The following DNAH3 variants were observed in gnomAD, a reference collection of about 807,000 sequenced individuals.
The protein encoded by DNAH3 is axonemal beta dynein heavy chain 3.
In DNAH3, 332 loss-of-function variants were observed where a neutral mutation model predicts 432.5. The ratio of observed to expected loss-of-function variants is 0.77; its 90% confidence interval spans 0.70 to 0.84. The LOEUF (loss-of-function observed/expected upper bound fraction) is 0.84, where lower values mean the gene tolerates loss of function less well. Among genes scored for constraint, DNAH3 ranks in the 40% least tolerant of loss-of-function variants. The probability of loss-of-function intolerance (pLI) is 0.00; values close to 1 mark genes in which losing one functional copy is unlikely to be tolerated. For synonymous variants in DNAH3, 1,956 were observed against 1,900.2 expected (o/e 1.03, Z -0.76); for missense variants, 4,861 against 5,114.0 (o/e 0.95, Z 1.51).
At chr16:20,942,947 C>T (rs1372884867) in intron 58 of DNAH3, among the ~76,000 whole-genome samples, 2 of 152,160 alleles carry the variant, frequency 1.3e-5, no homozygotes, top group Admixed American at 6.5e-5. Context: ...CTCACTCTGT[C>T]GTCCAGGTGG....
chr16:20,939,683 C>G (rs913329695), intron 59 of DNAH3, among the ~76,000 whole-genome samples: 6 of 151,908 alleles, frequency 3.9e-5, no homozygotes, highest in Admixed American at 3.9e-4. Context: ...CTCCTCCAGT[C>G]CCCTGGTCCT....
intron 1 of DNAH3, among the ~76,000 whole-genome samples, chr16:21,147,947 C>T (rs1163333216): frequency 6.6e-6 from 1 of 152,164 alleles, no homozygotes; most frequent in African/African-American, 2.4e-5. Context: ...GAGGTGCTGC[C>T]GTTCAGCACT....
At chr16:21,147,998 C>T (rs1330432550) in intron 1 of DNAH3, among the ~76,000 whole-genome samples, 1 of 152,180 alleles carries the variant, frequency 6.6e-6, no homozygotes, top group Non-Finnish European at 1.5e-5. Flanking sequence ...AATTTTGACT[C>T]TCTGTGATTT....
chr16:21,080,589 G>A (rs1014553299), intron 20 of DNAH3, among the ~76,000 whole-genome samples: 6 of 152,194 alleles, frequency 3.9e-5, no homozygotes, highest in African/African-American at 1.4e-4. Context: ...TTTGGACAGT[G>A]CTGACCTGAA....
intron 48 of DNAH3, 69 bp downstream of exon 48, chr16:20,984,980 G>T: frequency 1.5e-6 from 2 of 1,337,496 alleles, no homozygotes; most frequent in Non-Finnish European, 1.0e-6. Context: ...GGATTGGCCT[G>T]CTCAGGGCAC....
Position 21,120,562 on chromosome 16 carries a change from G to C in DNAH3, c.1699+178C>G, listed in dbSNP as rs953029718. ...CCAGTTCAGAGATAAAACAGTCTGA[G>C]GGGCTTAAGGAGGAAGCTAGGGCTG... On this transcript the variant is annotated intron_variant, in intron 11 of 61. Transcript: ENST00000261383. The C allele has an allele frequency of 6.4e-6, 4 of 622,404 alleles. No homozygotes were observed. The African/African-American group carries it at 7.3e-5, about 11-fold the overall frequency. 38.6% of individuals were successfully genotyped at this position (622,404 alleles called of 1,614,324 possible).
chr16:20,988,096 C>G, intron 44 of DNAH3, 31 bp from the exon 45 acceptor site: 1 of 1,611,916 alleles, frequency 6.2e-7, no homozygotes, highest in Non-Finnish European at 8.5e-7. Context: ...GTGAATCATC[C>G]TGGAAAACAC....
intron 18 of DNAH3, among the ~76,000 whole-genome samples, chr16:21,090,556 T>C (rs568971676): frequency 4.6e-5 from 7 of 152,268 alleles, no homozygotes; most frequent in Admixed American, 3.3e-4. Context: ...TAATATACAG[T>C]ATTAACAGCC....
rs149829197 is a variant in DNAH3, at chr16:20,985,266, G to A, written c.7476C>T (p.Ala2492=). The change falls in exon 48 of 62, where the codon GCC becomes GCT. Residue 2492 remains alanine, a synonymous_variant. Coordinates refer to ENST00000261383, the Ensembl canonical transcript of DNAH3. Reference sequence around the variant, plus strand: ...ATGATTCATCCTTGATCTGGTTGTCGGCGAAGAGGAACACGGTGCTCTTGG... The same window carrying A: ...ATGATTCATCCTTGATCTGGTTGTCAGCGAAGAGGAACACGGTGCTCTTGG... 7,938 of 1,614,106 alleles carry A rather than the reference G, an allele frequency of 4.9e-3. 45 individuals carry two copies. The highest frequency in any genetic ancestry group is 5.8e-3 in the Non-Finnish European group (6,863 of 1,180,028).
At chr16:21,008,083 A>G (rs2152698559) in intron 41 of DNAH3, among the ~76,000 whole-genome samples, 1 of 152,310 alleles carries the variant, frequency 6.6e-6, no homozygotes, top group East Asian at 1.9e-4. Flanking sequence ...CCAGTATACC[A>G]TACTATTCAT....
chr16:21,033,384 C>A (rs1394746751), intron 36 of DNAH3, among the ~76,000 whole-genome samples: 1 of 152,198 alleles, frequency 6.6e-6, no homozygotes, highest in Non-Finnish European at 1.5e-5. Context: ...AACATAGTTT[C>A]CATTTGTTGC....
intron 44 of DNAH3, among the ~76,000 whole-genome samples, chr16:20,990,425 C>T (rs1388084781): frequency 6.6e-6 from 1 of 152,144 alleles, no homozygotes; most frequent in Non-Finnish European, 1.5e-5. Flanking sequence ...ACCATTCACC[C>T]ATTTAAAGTA....
At chr16:21,046,046 G>T (rs1326758608) in intron 31 of DNAH3, among the ~76,000 whole-genome samples, 1 of 151,834 alleles carries the variant, frequency 6.6e-6, no homozygotes, top group Admixed American at 6.6e-5. Context: ...GAGATAGTTT[G>T]TTATAATTTC....
chr16:20,987,627 T>C, intron 46 of DNAH3, 66 bp downstream of exon 46: 2 of 1,576,762 alleles, frequency 1.3e-6, no homozygotes, highest in South Asian at 1.1e-5. Flanking sequence ...TTACTGCTAT[T>C]ACTACATGTT....
intron 12 of DNAH3, 99 bp from the exon 13 acceptor site, chr16:21,112,197 A>C (rs2092092561): frequency 2.6e-6 from 2 of 778,014 alleles, no homozygotes; most frequent in African/African-American, 1.7e-5. Flanking sequence ...ATTTTAAAAA[A>C]TGTAGCCCAA....
At chr16:20,933,750 T>C (rs2083493319) in intron 61 of DNAH3, among the ~76,000 whole-genome samples, 1 of 152,070 alleles carries the variant, frequency 6.6e-6, no homozygotes. Context: ...CAAGTAGGAG[T>C]CACATTATTC....
At chr16:20,959,572 C>T (rs1329646981) in intron 53 of DNAH3, among the ~76,000 whole-genome samples, 168 bp from the exon 54 acceptor site, 1 of 150,816 alleles carries the variant, frequency 6.6e-6, no homozygotes, top group Admixed American at 6.7e-5. Flanking sequence ...GAGTTGGAGA[C>T]CAGCCTGGGC....
rs2088048849 is a variant in DNAH3, at chr16:21,019,622, A to G, written c.6022+2T>C. 6.2e-7 allele frequency: 1 copy of G among 1,613,816 alleles called. No homozygotes were observed. Among genetic ancestry groups the G allele is most frequent in the African/African-American group, 1.3e-5 (1 of 74,868 alleles). On this transcript the variant is annotated splice_donor_variant, in intron 41 of 61. Coordinates refer to ENST00000261383, the Ensembl canonical transcript of DNAH3. LOFTEE classifies it high-confidence loss of function. Reference sequence around the variant, plus strand: ...GAACATAACAAACAGGTTCTAAATTACCTCTTTCTGGAAAGATGTTGTTTT... The same window carrying G: ...GAACATAACAAACAGGTTCTAAATTGCCTCTTTCTGGAAAGATGTTGTTTT...
intron 42 of DNAH3, among the ~76,000 whole-genome samples, chr16:21,002,444 G>GTTGTTATTATTATTATTATTA (rs1379704010): frequency 2.7e-5 from 4 of 146,896 alleles, no homozygotes; most frequent in African/African-American, 7.5e-5. Context: ...ATCTGGTGTT[G>GTTGTTATTATTATTATTATTA]TTATTATTAT....
Sources: gnomAD v4.1 joint callset for allele counts (sites outside exome capture counted in the v4.1 genomes callset) on GRCh38, gnomAD v4.1.1 for gene constraint, MANE v1.5 for transcripts, NCBI Gene and HGNC (gene_info 2026-07-23, HGNC 2026-07-21) for gene names.